Variants in PTPRN2 observed in about 807,000 individuals in gnomAD.
The protein encoded by PTPRN2 is protein tyrosine phosphatase receptor type N2.
Under a neutral mutation model 118.8 loss-of-function variants are expected in PTPRN2, and 74 were observed. The observed-to-expected ratio is 0.62, with a 90% CI of 0.52 to 0.76. The LOEUF (loss-of-function observed/expected upper bound fraction) is 0.76. Ranked by LOEUF, PTPRN2 falls within the 30% of genes least tolerant of loss-of-function variation. The probability of loss-of-function intolerance (pLI) is 0.00; values close to 1 mark genes in which losing one functional copy is unlikely to be tolerated. For synonymous variants in PTPRN2, 641 were observed against 608.0 expected (o/e 1.05, Z -0.80); for missense variants, 1,481 against 1,394.4 (o/e 1.06, Z -0.99).
chr7:157,791,422 C>T (rs1175240582), intron 12 of PTPRN2, among the ~76,000 whole-genome samples: 3 of 152,276 alleles, frequency 2.0e-5, no homozygotes, highest in Non-Finnish European at 4.4e-5. Flanking sequence ...GGAGCGGCCG[C>T]TGGGCTTGGC....
chr7:157,948,079 C>T (rs901737294), intron 11 of PTPRN2, among the ~76,000 whole-genome samples: 1 of 152,172 alleles, frequency 6.6e-6, no homozygotes, highest in Non-Finnish European at 1.5e-5. Context: ...AAATGCAGGT[C>T]ATTGAGGCTG....
intron 12 of PTPRN2, among the ~76,000 whole-genome samples, chr7:157,786,427 G>C (rs1470561891): frequency 1.3e-5 from 2 of 152,316 alleles, no homozygotes; most frequent in East Asian, 3.9e-4. Context: ...CCCAGAGGTG[G>C]GCTCATTTGC....
intron 5 of PTPRN2, among the ~76,000 whole-genome samples, chr7:158,188,180 G>A (rs62477453): frequency 0.1 from 6,287 of 61,128 alleles, 809 homozygotes; most frequent in Non-Finnish European, 0.15. Context: ...CGCCACGCTC[G>A]CCCCGCGATG....
At chr7:158,200,985 G>A (rs984238634) in intron 4 of PTPRN2, among the ~76,000 whole-genome samples, 1 of 150,298 alleles carries the variant, frequency 6.7e-6, no homozygotes, top group Admixed American at 6.6e-5. Context: ...ATTTAAAAGA[G>A]AACAGCAAAA....
intron 13 of PTPRN2, among the ~76,000 whole-genome samples, chr7:157,677,925 G>A (rs1652526886): frequency 6.6e-6 from 1 of 152,184 alleles, no homozygotes; most frequent in African/African-American, 2.4e-5. Flanking sequence ...CCCGGGGCCT[G>A]GAGTCTGTTC....
At chr7:157,772,586 C>T (rs1407600995) in intron 12 of PTPRN2, among the ~76,000 whole-genome samples, 5 of 152,158 alleles carry the variant, frequency 3.3e-5, no homozygotes, top group African/African-American at 9.7e-5. Flanking sequence ...GTGACCTGGG[C>T]GAATCCTGCT....
At chr7:157,673,529 A>C (rs957738134) in intron 13 of PTPRN2, among the ~76,000 whole-genome samples, 5 of 149,820 alleles carry the variant, frequency 3.3e-5, no homozygotes, top group South Asian at 2.1e-4. Flanking sequence ...AACCTGAAAA[A>C]ATGGGAGAGG....
At chr7:158,389,810 A>ACAT (rs1811788007) in intron 2 of PTPRN2, among the ~76,000 whole-genome samples, 1 of 152,210 alleles carries the variant, frequency 6.6e-6, no homozygotes, top group South Asian at 2.1e-4. Flanking sequence ...GTTCCTGGCC[A>ACAT]CATCTTAGTT....
chr7:158,258,484 C>T (rs2150916770), intron 3 of PTPRN2, among the ~76,000 whole-genome samples: 1 of 152,360 alleles, frequency 6.6e-6, no homozygotes, highest in Middle Eastern at 3.4e-3. Context: ...TGTGCATGTG[C>T]TTCTCCACGG....
chr7:157,565,812 G>C (rs1799456835), intron 21 of PTPRN2, among the ~76,000 whole-genome samples: 1 of 152,126 alleles, frequency 6.6e-6, no homozygotes, highest in Admixed American at 6.5e-5. Context: ...TTCAATGAGA[G>C]AGGAACAGGC....
chr7:158,026,166 T>A (rs1474160512), intron 11 of PTPRN2, among the ~76,000 whole-genome samples: 1 of 152,244 alleles, frequency 6.6e-6, no homozygotes, highest in Non-Finnish European at 1.5e-5. Context: ...GCTAATGTAT[T>A]ATTTAGGCTT....
At chr7:157,544,473 T>G (rs1199739693) in intron 22 of PTPRN2, among the ~76,000 whole-genome samples, 1 of 152,102 alleles carries the variant, frequency 6.6e-6, no homozygotes, top group African/African-American at 2.4e-5. Context: ...AAAATGCAGA[T>G]GTGAGACGGC....
intron 12 of PTPRN2, among the ~76,000 whole-genome samples, chr7:157,846,963 T>C (rs1361945501): frequency 1.5e-4 from 21 of 136,322 alleles, no homozygotes; most frequent in South Asian, 4.9e-4. Context: ...TGCCCAATGT[T>C]TACAGAGCCC....
rs1268179894 is a variant in PTPRN2, at chr7:158,529,202, C to T, written c.113-39417G>A. 6.6e-6 allele frequency among the ~76,000 whole-genome samples: 1 copy of T among 152,250 alleles called. No homozygotes were observed. The highest frequency in any genetic ancestry group is 1.9e-4 in the East Asian group (1 of 5,196). On this transcript the variant is annotated intron_variant, in intron 1 of 22. Transcript: ENST00000389418. This position sits in a 1 kb window ranked among gnomAD's most constrained non-coding sequence, Gnocchi z 4.7. ...CACACAGCACCTGGTGGGCACTAAG[C>T]ACCCGTCGCTGTTGGTCCTGGGGCT... is the stretch of plus-strand genomic sequence containing the variant.
At chr7:158,281,603 G>T (rs577277655) in intron 3 of PTPRN2, among the ~76,000 whole-genome samples, 1 of 152,206 alleles carries the variant, frequency 6.6e-6, no homozygotes, top group African/African-American at 2.4e-5. Context: ...GGTGCCCTGC[G>T]CATTTGTGCT....
intron 2 of PTPRN2, among the ~76,000 whole-genome samples, chr7:158,453,608 T>TGGGTGTCGG (rs71200025): frequency 1.3e-5 from 2 of 151,794 alleles, no homozygotes; most frequent in Admixed American, 6.5e-5. Context: ...CTGTTGCCCC[T>TGGGTGTCGG]GGGTGAGCTC....
At position 158,425,313 on chromosome 7, in the gene PTPRN2, A is replaced by G. The variant is rs71547536; in HGVS notation, c.163+64422T>C. 7.9e-5 allele frequency among the ~76,000 whole-genome samples: 9 copies of G among 114,504 alleles called. 3 individuals are homozygous for G. Among genetic ancestry groups the G allele is most frequent in the East Asian group, 5.3e-4 (2 of 3,742 alleles). 75.1% of individuals were successfully genotyped at this position (114,504 alleles called of 152,430 possible). ...GCCTGCGCACCGCCGGGAAAGACCCAGAGTCCGAGACCAGCCTAGCTGAGG... is the reference window on the plus strand; with the variant it reads ...GCCTGCGCACCGCCGGGAAAGACCCGGAGTCCGAGACCAGCCTAGCTGAGG... On this transcript the variant is annotated intron_variant, in intron 2 of 22. Transcript: ENST00000389418.
At chr7:158,342,942 G>A (rs879438772) in intron 2 of PTPRN2, among the ~76,000 whole-genome samples, 2 of 152,192 alleles carry the variant, frequency 1.3e-5, no homozygotes, top group Non-Finnish European at 2.9e-5. Context: ...GTGGACAAGT[G>A]CTGGGTTCTT....
At chr7:157,579,863 T>C (rs887137969) in intron 17 of PTPRN2, among the ~76,000 whole-genome samples, 2 of 152,260 alleles carry the variant, frequency 1.3e-5, no homozygotes, top group African/African-American at 4.8e-5. Flanking sequence ...TATTACAAGC[T>C]GTTCATGGAA....
Sources: allele counts gnomAD v4.1 joint callset (sites outside exome capture counted in the v4.1 genomes callset), GRCh38; gene constraint gnomAD v4.1.1; non-coding constraint Gnocchi (gnomAD v3.1); transcripts MANE v1.5; gene names NCBI Gene and HGNC (gene_info 2026-07-23, HGNC 2026-07-21).